CDH4: variants seen among roughly 807,000 people sequenced by gnomAD.
The protein encoded by CDH4 is cadherin 4, also known as cadherin-4.
CDH4 carries 33 observed loss-of-function variants against 86.0 expected under a neutral mutation model. The observed-to-expected ratio is 0.38, with a 90% CI of 0.29 to 0.51. The LOEUF is 0.51. Ranked by LOEUF, CDH4 falls within the 20% of genes least tolerant of loss-of-function variation. The probability of loss-of-function intolerance (pLI) is 0.86; values close to 1 mark genes in which losing one functional copy is unlikely to be tolerated. For missense variants in CDH4, 1,114 were observed against 1,307.4 expected, an observed-to-expected ratio of 0.85 and a Z score of 2.28; for synonymous variants, 555 against 549.4, an observed-to-expected ratio of 1.01 and a Z score of -0.14.
chr20:61,826,962 AGTGTGTGTGTGTGT>A (rs11470719), intron 4 of CDH4, among the ~76,000 whole-genome samples: 56,598 of 145,920 alleles, frequency 0.39, 13,091 homozygotes, highest in Non-Finnish European at 0.52. Flanking sequence ...AGAAGGGAAA[AGTGTGTGTGTGTGT>A]GTGTGTGTGT....
intron 2 of CDH4, among the ~76,000 whole-genome samples, chr20:61,314,529 C>G (rs2084465972): frequency 6.6e-6 from 1 of 152,188 alleles, no homozygotes; most frequent in South Asian, 2.1e-4. Context: ...CCAGTGGACA[C>G]TGAGGTGGAT....
intron 2 of CDH4, among the ~76,000 whole-genome samples, chr20:61,284,932 C>G (rs991466557): frequency 3.3e-5 from 5 of 152,214 alleles, no homozygotes; most frequent in African/African-American, 1.2e-4. Context: ...GCCAATAAAA[C>G]TTTATTTACA....
chr20:61,395,890 A>G (rs34279299), intron 2 of CDH4, among the ~76,000 whole-genome samples: 1,584 of 152,342 alleles, frequency 0.01, 15 homozygotes, highest in Non-Finnish European at 0.015. Context: ...GTCCTGCTTA[A>G]TGATAGCCAG....
intron 2 of CDH4, among the ~76,000 whole-genome samples, chr20:61,345,378 A>C (rs2084672829): frequency 6.6e-6 from 1 of 152,264 alleles, no homozygotes; most frequent in Non-Finnish European, 1.5e-5. Context: ...TCTGGTTTTT[A>C]AAAGCAGTGT....
At chr20:61,468,407 A>G (rs902519109) in intron 2 of CDH4, among the ~76,000 whole-genome samples, 1 of 151,724 alleles carries the variant, frequency 6.6e-6, no homozygotes, top group African/African-American at 2.4e-5. Flanking sequence ...ACATTTTTTT[A>G]TTTTTTATTT....
intron 2 of CDH4, among the ~76,000 whole-genome samples, chr20:61,458,240 G>T (rs1382574495): frequency 1.3e-5 from 2 of 151,692 alleles, no homozygotes; most frequent in Non-Finnish European, 2.9e-5. Context: ...GGCAGTGATG[G>T]TTATGGTCAT....
In CDH4 at chr20:61,343,799, G is replaced by A. The variant is rs1334530793; in HGVS notation, c.169+88862G>A. ...TAGAAACAGATTAGCATGATTTTAGGCTCGAAGCCCCAAGAGGGTATGGGC... is the reference window on the plus strand; with the variant it reads ...TAGAAACAGATTAGCATGATTTTAGACTCGAAGCCCCAAGAGGGTATGGGC... On this transcript the variant is annotated intron_variant, in intron 2 of 15. Transcript: ENST00000614565. Among the ~76,000 whole-genome samples the A allele has an allele frequency of 6.6e-5, 10 of 152,212 alleles. No homozygotes were observed. The South Asian group carries it at 2.1e-3, about 32-fold the overall frequency.
chr20:61,315,066 AC>A (rs1402259560), intron 2 of CDH4, among the ~76,000 whole-genome samples: 2 of 152,184 alleles, frequency 1.3e-5, no homozygotes, highest in African/African-American at 4.8e-5. Flanking sequence ...ATGGGTCTAA[AC>A]ACGAAAGCCT....
chr20:61,826,317 G>A (rs921344309), intron 4 of CDH4, among the ~76,000 whole-genome samples: 2 of 152,204 alleles, frequency 1.3e-5, no homozygotes, highest in Non-Finnish European at 2.9e-5. Flanking sequence ...TGCCAGCTAA[G>A]CTCCCGGCCC....
chr20:61,687,898 T>C (rs1369145899), intron 2 of CDH4, among the ~76,000 whole-genome samples: 1 of 152,106 alleles, frequency 6.6e-6, no homozygotes, highest in Non-Finnish European at 1.5e-5. Context: ...TGGGTTTGGG[T>C]TTTTTAGTAT....
intron 4 of CDH4, among the ~76,000 whole-genome samples, chr20:61,841,924 C>T (rs1296673901): frequency 6.6e-6 from 1 of 152,214 alleles, no homozygotes; most frequent in Non-Finnish European, 1.5e-5. Context: ...TCTATTACGA[C>T]ATGAGACAGC....
At chr20:61,671,436 C>T (rs187245730) in intron 2 of CDH4, among the ~76,000 whole-genome samples, 12 of 152,278 alleles carry the variant, frequency 7.9e-5, no homozygotes, top group East Asian at 7.7e-4. Context: ...TTCAAGGTTG[C>T]AGTGAGCTGT....
chr20:61,388,841 G>T (rs1175370827), intron 2 of CDH4, among the ~76,000 whole-genome samples: 1 of 152,162 alleles, frequency 6.6e-6, no homozygotes, highest in Non-Finnish European at 1.5e-5. Context: ...CATCTAAAAC[G>T]TAACTTCAAT....
chr20:61,771,844 A>G (rs1327850525), intron 3 of CDH4, among the ~76,000 whole-genome samples: 1 of 152,196 alleles, frequency 6.6e-6, no homozygotes, highest in Non-Finnish European at 1.5e-5. Context: ...TACTTGTTTA[A>G]AAAACATCCA....
intron 2 of CDH4, among the ~76,000 whole-genome samples, chr20:61,277,166 G>A (rs1416651311): frequency 6.6e-6 from 1 of 152,110 alleles, no homozygotes; most frequent in African/African-American, 2.4e-5. Context: ...CATTTCCCCT[G>A]TGGGAATCTT....
intron 2 of CDH4, among the ~76,000 whole-genome samples, chr20:61,465,679 C>G (rs2085468110): frequency 6.6e-6 from 1 of 152,098 alleles, no homozygotes; most frequent in African/African-American, 2.4e-5. Context: ...TCTTTATCTC[C>G]TGGTTTTTGT....
At chr20:61,351,865 C>T (rs1050147688) in intron 2 of CDH4, among the ~76,000 whole-genome samples, 10 of 151,942 alleles carry the variant, frequency 6.6e-5, no homozygotes, top group East Asian at 3.9e-4. Context: ...TATGGGCAGG[C>T]GCCACCATAC....
intron 2 of CDH4, among the ~76,000 whole-genome samples, chr20:61,618,428 G>A (rs954196898): frequency 2.0e-5 from 3 of 152,110 alleles, no homozygotes; most frequent in African/African-American, 7.2e-5. Flanking sequence ...ATCAACAAAG[G>A]ACAAGCAAAA....
At chr20:61,731,293 C>A (rs1020912663) in intron 2 of CDH4, among the ~76,000 whole-genome samples, 42 of 152,108 alleles carry the variant, frequency 2.8e-4, no homozygotes, top group Admixed American at 3.3e-4. Flanking sequence ...GGCCCCCCGG[C>A]GGCCCCTCAC....
Sources: allele counts gnomAD v4.1 joint callset (sites outside exome capture counted in the v4.1 genomes callset), GRCh38; gene constraint gnomAD v4.1.1; transcripts MANE v1.5; gene names NCBI Gene and HGNC (gene_info 2026-07-23, HGNC 2026-07-21).